The following RWDD4 variants were observed in gnomAD, a reference collection of about 807,000 sequenced individuals.
The protein encoded by RWDD4 is RWD domain-containing protein 4.
A neutral mutation model predicts 30.0 loss-of-function variants in RWDD4; 16 were observed. The ratio of observed to expected loss-of-function variants is 0.53; its 90% CI spans 0.36 to 0.81. The LOEUF (loss-of-function observed/expected upper bound fraction) is 0.81. Among genes scored for constraint, RWDD4 ranks in the 30% least tolerant of loss-of-function variants. The probability of loss-of-function intolerance (pLI) is 0.00; values close to 1 mark genes in which losing one functional copy is unlikely to be tolerated. For missense variants in RWDD4, 170 were observed against 223.9 expected (o/e 0.76, Z 1.54); for synonymous variants, 45 against 72.1 (o/e 0.62, Z 1.90).
At position 183,641,106 on chromosome 4, in the gene RWDD4, T is replaced by G. The variant is rs1220527607; in HGVS notation, c.*330A>C. 3.1e-6 allele frequency: 1 copy of G among 325,412 alleles called. No homozygotes were observed. Among genetic ancestry groups the G allele is most frequent in the Non-Finnish European group, 5.6e-6 (1 of 177,246 alleles). The allele number at this position is 325,412 out of a possible 1,614,324, so 20.2% of individuals were successfully genotyped here. A position where few individuals can be genotyped will look rare whatever the true frequency, so the allele number is the denominator to read the frequency against. ...GTTTGAAAAGGGCTTCATACTCCTTTAAGAAAATAGCACATCCACCAGGAT... is the reference window on the plus strand; with the variant it reads ...GTTTGAAAAGGGCTTCATACTCCTTGAAGAAAATAGCACATCCACCAGGAT... On this transcript the variant is annotated 3_prime_UTR_variant, in exon 8 of 8. Transcript: ENST00000326397.
intron 7 of RWDD4, among the ~76,000 whole-genome samples, chr4:183,642,406 G>C (rs1273698699): frequency 6.9e-6 from 1 of 145,934 alleles, no homozygotes; most frequent in Non-Finnish European, 1.5e-5. Context: ...AGCCAGGATG[G>C]TCTCGATCTC....
chr4:183,645,521 G>A (rs529398602), intron 7 of RWDD4, among the ~76,000 whole-genome samples: 2 of 151,004 alleles, frequency 1.3e-5, no homozygotes, highest in East Asian at 3.9e-4. Flanking sequence ...GGCAATCCCA[G>A]CACGTTGTGA....
At chr4:183,642,184 A>AT (rs1225746574) in intron 7 of RWDD4, among the ~76,000 whole-genome samples, 6 of 107,562 alleles carry the variant, frequency 5.6e-5, no homozygotes, top group South Asian at 2.9e-4. Context: ...CCATTCTTAA[A>AT]ATTTTTTTTT....
At chr4:183,649,368 C>G in intron 5 of RWDD4, 83 bp downstream of exon 5, 2 of 822,592 alleles carry the variant, frequency 2.4e-6, no homozygotes, top group Admixed American at 2.1e-5. Flanking sequence ...GAGCTGAGAT[C>G]ATGCCACTGC....
At position 183,654,628 on chromosome 4, in the gene RWDD4, G is replaced by C. The variant is rs73002721; in HGVS notation, c.105+1253C>G. The stretch of plus-strand genomic sequence containing the variant: ...CTGCCATTGTGAATGAGATATTTAG[G>C]AGAGTATAGGGAAATTCTCGACCTC... On this transcript the variant is annotated intron_variant, in intron 2 of 7. Coordinates refer to ENST00000326397, the MANE Select transcript of RWDD4 (RefSeq NM_152682.4). Among the ~76,000 whole-genome samples, 855 of 152,282 alleles carry C rather than the reference G, an allele frequency of 5.6e-3. 6 individuals are homozygous for C. The highest frequency in any genetic ancestry group is 0.02 in the African/African-American group (811 of 41,554).
Position 183,659,024 on chromosome 4 carries a change from C to G in RWDD4, c.-72G>C, listed in dbSNP as rs2111262040. On this transcript the variant is annotated 5_prime_UTR_variant, in exon 1 of 8. Coordinates refer to ENST00000326397, the MANE Select transcript of RWDD4 (RefSeq NM_152682.4). ...CGAAGAGAAAGCGAAGGCAGCGGCC[C>G]AGAGGCCGGGCGTCCCCCTTTCGCG... 8.5e-7 allele frequency: 1 copy of G among 1,171,550 alleles called. No homozygotes were observed. The highest frequency in any genetic ancestry group is 3.1e-5 in the East Asian group (1 of 32,300). 72.6% of individuals were successfully genotyped at this position (1,171,550 alleles called of 1,614,324 possible). A position where few individuals can be genotyped will look rare whatever the true frequency, so the allele number is the denominator to read the frequency against.
At chr4:183,656,085 A>T in intron 1 of RWDD4, 124 bp from the exon 2 acceptor site, 1 of 640,870 alleles carries the variant, frequency 1.6e-6, no homozygotes, top group South Asian at 1.9e-5. Context: ...ATAACCTTAG[A>T]TACTTACCAC....
chr4:183,647,497 G>A (rs1280998129), intron 5 of RWDD4, among the ~76,000 whole-genome samples: 6 of 152,114 alleles, frequency 3.9e-5, no homozygotes, highest in Admixed American at 1.3e-4. Context: ...CCACAGTGCC[G>A]TGGCTGTCCC....
chr4:183,656,244 T>C, intron 1 of RWDD4: 1 of 258,838 alleles, frequency 3.9e-6, no homozygotes, highest in African/African-American at 2.2e-5. Context: ...ATTTTCTCCT[T>C]CCTAGGGAAG....
At chr4:183,644,788 A>G (rs1579123496) in intron 7 of RWDD4, among the ~76,000 whole-genome samples, 1 of 135,826 alleles carries the variant, frequency 7.4e-6, no homozygotes, top group East Asian at 1.9e-4. Flanking sequence ...AAAAAAAAAA[A>G]GAAAAGAAAA....
rs1733866070 is a variant in RWDD4 at position 183,642,088 on chromosome 4, A to G, written c.535-620T>C. 4.6e-5 allele frequency among the ~76,000 whole-genome samples: 7 copies of G among 152,298 alleles called. No homozygotes were observed. In the South Asian group the frequency reaches 1.2e-3, roughly 27 times the overall value. On this transcript the variant is annotated intron_variant, in intron 7 of 7. Coordinates refer to ENST00000326397, the MANE Select transcript of RWDD4 (RefSeq NM_152682.4). ...AAGGCCACCGCACCTGACAACTCCA[A>G]GAACACTAGAGAGTGTGGGAAGCCA...
intron 2 of RWDD4, among the ~76,000 whole-genome samples, chr4:183,654,845 G>T (rs1433799690): frequency 6.6e-6 from 1 of 152,086 alleles, no homozygotes; most frequent in African/African-American, 2.4e-5. Flanking sequence ...TCATGCATAA[G>T]AATCATTTCT....
chr4:183,647,808 T>A (rs946195248), intron 5 of RWDD4, among the ~76,000 whole-genome samples: 1 of 152,176 alleles, frequency 6.6e-6, no homozygotes, highest in Non-Finnish European at 1.5e-5. Flanking sequence ...AATTCTTAGA[T>A]TTTTTTATTT....
intron 2 of RWDD4, among the ~76,000 whole-genome samples, chr4:183,652,428 G>T (rs577865451): frequency 6.9e-6 from 1 of 144,896 alleles, no homozygotes; most frequent in East Asian, 2.0e-4. Flanking sequence ...CTGATCACGG[G>T]GCGGTCACAG....
At chr4:183,644,809 G>C (rs1398366811) in intron 7 of RWDD4, among the ~76,000 whole-genome samples, 1 of 149,392 alleles carries the variant, frequency 6.7e-6, no homozygotes. Flanking sequence ...GAAAAGAAAA[G>C]AAAATAGCCC....
intron 7 of RWDD4, among the ~76,000 whole-genome samples, chr4:183,643,415 C>CAATAAAA (rs1733904814): frequency 4.4e-5 from 1 of 22,652 alleles, no homozygotes; most frequent in Non-Finnish European, 7.7e-5. Context: ...GACTCTATCT[C>CAATAAAA]AAAAAAAAAA....
intron 2 of RWDD4, among the ~76,000 whole-genome samples, chr4:183,652,899 C>T (rs1159868667): frequency 6.6e-6 from 1 of 151,364 alleles, no homozygotes; most frequent in East Asian, 1.9e-4. Flanking sequence ...CTTTAAAAAA[C>T]TTTCTGTAGA....
At chr4:183,651,466 C>G (rs1734075730) in intron 2 of RWDD4, 139 bp from the exon 3 acceptor site, 3 of 677,152 alleles carry the variant, frequency 4.4e-6, no homozygotes, top group Non-Finnish European at 7.6e-6. Flanking sequence ...TCCAGTGACA[C>G]AGGCTAGGAC....
intron 7 of RWDD4, among the ~76,000 whole-genome samples, chr4:183,643,299 T>C (rs1326389463): frequency 6.9e-6 from 1 of 145,666 alleles, no homozygotes. Context: ...TGGTGGCGCA[T>C]GCCCATAGTC....
Sources: gnomAD v4.1 joint callset for allele counts (sites outside exome capture counted in the v4.1 genomes callset) on GRCh38, gnomAD v4.1.1 for gene constraint, MANE v1.5 for transcripts, NCBI Gene and HGNC (gene_info 2026-07-23, HGNC 2026-07-21) for gene names.